Variants in MAP4K4 observed in about 807,000 individuals in gnomAD.
MAP4K4 encodes mitogen-activated protein kinase kinase kinase kinase 4, also known as HPK/GCK-like kinase HGK.
In MAP4K4, 38 loss-of-function variants were observed where a neutral mutation model predicts 189.6. The observed-to-expected ratio is 0.20, with a 90% CI of 0.15 to 0.26. The LOEUF is 0.26. Among genes scored for constraint, MAP4K4 ranks in the 10% least tolerant of loss-of-function variants. MAP4K4 has a pLI of 1.00. For synonymous variants in MAP4K4, 610 were observed against 624.3 expected (o/e 0.98, Z 0.34); for missense variants, 1,054 against 1,726.9 (o/e 0.61, Z 6.91).
At chr2:101,849,517 C>T (rs746656478) in intron 12 of MAP4K4, among the ~76,000 whole-genome samples, 2 of 151,450 alleles carry the variant, frequency 1.3e-5, no homozygotes, top group Non-Finnish European at 2.9e-5. Flanking sequence ...TTTTTTTTTG[C>T]ATTTTGTTCA....
At chr2:101,754,578 T>C (rs1331909605) in intron 2 of MAP4K4, among the ~76,000 whole-genome samples, 17 of 152,150 alleles carry the variant, frequency 1.1e-4, no homozygotes, top group Non-Finnish European at 4.4e-5. Context: ...GGTCTTGAAC[T>C]CATGACCTTA....
At chr2:101,764,182 A>C (rs2077609836) in intron 2 of MAP4K4, among the ~76,000 whole-genome samples, 1 of 152,210 alleles carries the variant, frequency 6.6e-6, no homozygotes, top group African/African-American at 2.4e-5. Flanking sequence ...TGTATGTGAT[A>C]TGCGTAAGGG....
chr2:101,858,918 G>A lies in MAP4K4; in HGVS notation c.1396-78G>A, dbSNP rs181888418. The A allele has an allele frequency of 3.6e-3, 3,713 of 1,023,582 alleles. 10 individuals carry two copies. The highest frequency in any genetic ancestry group is 4.9e-3 in the Non-Finnish European group (3,267 of 661,774). The allele number at this position is 1,023,582 out of a possible 1,614,324, so 63.4% of individuals were successfully genotyped here. ...TCACTAAAGGTGATTGGAGCAAATGGTTCTTGGTGCTCCATTCAGGTGGTT... is the reference window on the plus strand; with the variant it reads ...TCACTAAAGGTGATTGGAGCAAATGATTCTTGGTGCTCCATTCAGGTGGTT... On this transcript the variant is annotated intron_variant, in intron 13 of 32. Coordinates refer to ENST00000324219, the Ensembl canonical transcript of MAP4K4.
intron 29 of MAP4K4, among the ~76,000 whole-genome samples, 176 bp from the exon 30 acceptor site, chr2:101,886,912 C>CT (rs1233868877): frequency 1.3e-5 from 2 of 151,766 alleles, no homozygotes; most frequent in East Asian, 3.9e-4. Context: ...GTAGTCCCAG[C>CT]TACTCGGGAG....
intron 2 of MAP4K4, among the ~76,000 whole-genome samples, chr2:101,738,378 G>C (rs1209190375): frequency 6.6e-6 from 1 of 152,152 alleles, no homozygotes; most frequent in East Asian, 1.9e-4. Context: ...TGTTGAGAAA[G>C]AAAGGCCTTC....
In MAP4K4 at chr2:101,859,072, C is replaced by T; in HGVS notation, c.1472C>T (p.Ala491Val). ...CAGCAGCAGCTGCTCCAGGAGCAGGCCATGTTACTGGTAAAGCCCCGCCTC... is the reference window on the plus strand; with the variant it reads ...CAGCAGCAGCTGCTCCAGGAGCAGGTCATGTTACTGGTAAAGCCCCGCCTC... The change falls in exon 14 of 33, where the codon GCC becomes GTC. Residue 491 changes from alanine to valine, a missense_variant. Physicochemically the swap from Ala to Val is moderately conservative, Grantham distance 64. This residue lies in a region of MAP4K4 where 646 missense variants were observed against 796.2 expected (regional missense o/e 0.81). Transcript: ENST00000324219. 6.2e-7 allele frequency: 1 copy of T among 1,611,252 alleles called. No individual in the cohort carries two copies. Among genetic ancestry groups the T allele is most frequent in the Non-Finnish European group, 8.5e-7 (1 of 1,178,244 alleles).
At chr2:101,760,228 C>T (rs1575070489) in intron 2 of MAP4K4, among the ~76,000 whole-genome samples, 1 of 151,904 alleles carries the variant, frequency 6.6e-6, no homozygotes, top group East Asian at 1.9e-4. Context: ...TGGGGGCTCA[C>T]CCCTGTAATC....
exon 33 of MAP4K4, chr2:101,891,171 C>A: frequency 6.2e-7 from 1 of 1,613,682 alleles, no homozygotes; most frequent in South Asian, 1.1e-5. Flanking sequence ...TGCAGGTGTT[C>A]TTTGCCTCTG....
In MAP4K4 at chr2:101,861,314, A is replaced by C. The variant is rs564825226; in HGVS notation, c.1866+328A>C. 1.5e-4 allele frequency: 30 copies of C among 203,956 alleles called. 1 individual carries two copies. In the South Asian group the frequency reaches 3.5e-3, roughly 24 times the overall value. 12.6% of individuals were successfully genotyped at this position (203,956 alleles called of 1,614,324 possible). ...TAGTTTTTAGAGAACTGGGATTATAAATACATAGAGGGAGAGCCAGGAATT... is the reference window on the plus strand; with the variant it reads ...TAGTTTTTAGAGAACTGGGATTATACATACATAGAGGGAGAGCCAGGAATT... On this transcript the variant is annotated intron_variant, in intron 16 of 32. Transcript: ENST00000324219.
chr2:101,806,154 T>A (rs2094907713), intron 3 of MAP4K4, among the ~76,000 whole-genome samples: 1 of 152,174 alleles, frequency 6.6e-6, no homozygotes, highest in Non-Finnish European at 1.5e-5. Context: ...ATGAGAAGGA[T>A]GTTTTAAAAA....
Position 101,834,496 on chromosome 2 carries a change from G to A in MAP4K4, c.694+33G>A, listed in dbSNP as rs2096686015. The A allele has an allele frequency of 1.9e-5, 30 of 1,566,692 alleles. 1 individual carries two copies. In the East Asian group the frequency reaches 6.8e-4, roughly 35 times the overall value. ...ACTTTCTTTTCTTTTTAGCTCACTTGTTACATGTGACTTAAACCCCTCCCA... is the reference window on the plus strand; with the variant it reads ...ACTTTCTTTTCTTTTTAGCTCACTTATTACATGTGACTTAAACCCCTCCCA... On this transcript the variant is annotated intron_variant, in intron 8 of 32. Coordinates refer to ENST00000324219, the Ensembl canonical transcript of MAP4K4.
chr2:101,829,609 T>C lies in MAP4K4; in HGVS notation c.508+15T>C. ...GGTGAAACTTGGTATGTAATGGATG[T>C]GCGGCGTGATCTCATAATTGCACCT... is the stretch of plus-strand genomic sequence containing the variant. On this transcript the variant is annotated intron_variant, in intron 6 of 32. Coordinates refer to ENST00000324219, the Ensembl canonical transcript of MAP4K4. The C allele has an allele frequency of 6.3e-7, 1 of 1,584,464 alleles. No individual in the cohort carries two copies. The highest frequency in any genetic ancestry group is 8.6e-7 in the Non-Finnish European group (1 of 1,158,674).
At chr2:101,854,030 T>TCTC (rs1191995157) in intron 12 of MAP4K4, among the ~76,000 whole-genome samples, 2 of 152,162 alleles carry the variant, frequency 1.3e-5, no homozygotes, top group Non-Finnish European at 2.9e-5. Context: ...TGCCTCTTCT[T>TCTC]CTCTCTTCCT....
In MAP4K4 at chr2:101,868,016, C is replaced by T. The variant is rs751976773; in HGVS notation, c.2455-13C>T. ...TGGCTTCTCGGACTCCACGAAACTG[C>T]GCTGTACTGAAGGGCGAAGTGGTAA... On this transcript the variant is annotated splice_polypyrimidine_tract_variant and intron_variant, in intron 20 of 32. Coordinates refer to ENST00000324219, the Ensembl canonical transcript of MAP4K4. 2.1e-5 allele frequency: 34 copies of T among 1,613,066 alleles called. No individual in the cohort carries two copies. In the Middle Eastern group the frequency reaches 6.6e-4, roughly 31 times the overall value.
intron 2 of MAP4K4, among the ~76,000 whole-genome samples, chr2:101,726,829 A>G (rs560375459): frequency 6.6e-6 from 1 of 152,268 alleles, no homozygotes; most frequent in South Asian, 2.1e-4. Context: ...AATACCTGAA[A>G]CTGGGTAATT....
intron 19 of MAP4K4, 29 bp downstream of exon 19, chr2:101,866,608 T>G: frequency 1.2e-6 from 2 of 1,602,336 alleles, no homozygotes; most frequent in Non-Finnish European, 1.7e-6. Flanking sequence ...CCTTTTTCCC[T>G]GCTAATGTTT....
At chr2:101,834,674 A>G (rs2096692760) in intron 8 of MAP4K4, among the ~76,000 whole-genome samples, 1 of 152,240 alleles carries the variant, frequency 6.6e-6, no homozygotes, top group Admixed American at 6.5e-5. Context: ...TAGGAGGCCT[A>G]TAGGCTACAT....
intron 7 of MAP4K4, 119 bp from the exon 8 acceptor site, chr2:101,834,290 T>C: frequency 1.5e-6 from 1 of 685,268 alleles, no homozygotes; most frequent in Admixed American, 2.1e-5. Context: ...CTTGTACTTT[T>C]AATTTTCTGG....
exon 33 of MAP4K4, chr2:101,893,281 T>C (rs545388190): frequency 8.8e-6 from 4 of 456,232 alleles, no homozygotes; most frequent in African/African-American, 8.0e-5. Flanking sequence ...AGCTTACTTT[T>C]TGGGGAAGTA....
Sources: gnomAD v4.1 joint callset for allele counts (sites outside exome capture counted in the v4.1 genomes callset) on GRCh38, gnomAD v4.1.1 for gene constraint, gnomAD v4.1.1 regional missense constraint, MANE v1.5 for transcripts, NCBI Gene and HGNC (gene_info 2026-07-23, HGNC 2026-07-21) for gene names.